Variants in CCSER1 observed in about 807,000 individuals in gnomAD.
CCSER1 encodes the protein coiled-coil serine rich protein 1.
A neutral mutation model predicts 82.0 loss-of-function variants in CCSER1; 41 were observed. The observed-to-expected ratio is 0.50, with a 90% CI of 0.39 to 0.65. The LOEUF is 0.65. Among genes scored for constraint, CCSER1 ranks in the 30% least tolerant of loss-of-function variants. The pLI, the probability that CCSER1 is intolerant of heterozygous loss-of-function variation, is 0.00. For synonymous variants in CCSER1, 414 were observed against 383.9 expected (o/e 1.08, Z -0.92); for missense variants, 1,119 against 1,064.2 (o/e 1.05, Z -0.72).
chr4:91,241,838 T>C (rs1173375037), intron 10 of CCSER1, among the ~76,000 whole-genome samples: 8 of 152,142 alleles, frequency 5.3e-5, no homozygotes, highest in Admixed American at 5.2e-4. Flanking sequence ...GTGTTAGATA[T>C]TGTGCTAAGG....
intron 10 of CCSER1, among the ~76,000 whole-genome samples, chr4:91,125,027 A>G (rs1025320263): frequency 1.3e-5 from 2 of 151,788 alleles, no homozygotes; most frequent in East Asian, 1.9e-4. Flanking sequence ...TGTAAGTCCT[A>G]TAAGGATTGA....
intron 10 of CCSER1, among the ~76,000 whole-genome samples, chr4:91,271,518 A>G (rs1742020692): frequency 6.6e-6 from 1 of 152,166 alleles, no homozygotes; most frequent in Admixed American, 6.5e-5. Flanking sequence ...ACATATGAAC[A>G]TACAATGTTT....
At chr4:91,106,056 A>G (rs1725581932) in intron 10 of CCSER1, among the ~76,000 whole-genome samples, 1 of 152,236 alleles carries the variant, frequency 6.6e-6, no homozygotes, top group African/African-American at 2.4e-5. Flanking sequence ...TTTGACCTTC[A>G]GAATGTTAGA....
chr4:91,550,065 T>G (rs1371173779), intron 10 of CCSER1, among the ~76,000 whole-genome samples: 1 of 152,078 alleles, frequency 6.6e-6, no homozygotes, highest in Non-Finnish European at 1.5e-5. Flanking sequence ...CTGGCTACAG[T>G]TGGGTATTTT....
intron 1 of CCSER1, 45 bp downstream of exon 1, chr4:90,127,876 G>A (rs1422957323): frequency 6.6e-6 from 1 of 152,110 alleles, no homozygotes; most frequent in South Asian, 2.1e-4. Context: ...GTCGCGCGTC[G>A]CGTCGCCGCT....
chr4:90,562,190 CAAA>C (rs35279708), intron 5 of CCSER1, among the ~76,000 whole-genome samples: 15 of 56,990 alleles, frequency 2.6e-4, no homozygotes, highest in Admixed American at 4.2e-4. Context: ...AACTCCATCT[CAAA>C]AAAAAAAAAA....
chr4:91,201,135 A>G (rs947859661), intron 10 of CCSER1, among the ~76,000 whole-genome samples: 1 of 151,990 alleles, frequency 6.6e-6, no homozygotes, highest in Non-Finnish European at 1.5e-5. Flanking sequence ...CTCATATATA[A>G]TGGTGCTCCC....
chr4:90,497,890 G>C (rs867847538), intron 5 of CCSER1, among the ~76,000 whole-genome samples: 3 of 151,884 alleles, frequency 2.0e-5, no homozygotes, highest in Middle Eastern at 3.4e-3. Context: ...TTCAGGGAAG[G>C]TTCTTCTCAT....
At chr4:90,769,182 G>A (rs1399072359) in intron 7 of CCSER1, among the ~76,000 whole-genome samples, 6 of 152,156 alleles carry the variant, frequency 3.9e-5, no homozygotes, top group Admixed American at 3.3e-4. Flanking sequence ...AGAAGTAGGA[G>A]CTCAAGATAG....
chr4:90,875,789 G>A (rs767518548), intron 8 of CCSER1, among the ~76,000 whole-genome samples: 1 of 152,182 alleles, frequency 6.6e-6, no homozygotes, highest in African/African-American at 2.4e-5. Flanking sequence ...GAAGAGCGAA[G>A]GTCAATGCAC....
At chr4:90,189,064 A>G (rs1735146829) in intron 1 of CCSER1, among the ~76,000 whole-genome samples, 1 of 151,966 alleles carries the variant, frequency 6.6e-6, no homozygotes, top group East Asian at 1.9e-4. Context: ...ACTGTGGCTG[A>G]CAGCAGGGTT....
intron 10 of CCSER1, among the ~76,000 whole-genome samples, chr4:91,501,624 ATAC>A (rs1276455302): frequency 6.6e-6 from 1 of 152,000 alleles, no homozygotes; most frequent in African/African-American, 2.4e-5. Context: ...GTAGTTTCAC[ATAC>A]TTATCTGCCC....
intron 8 of CCSER1, among the ~76,000 whole-genome samples, chr4:90,848,560 G>C (rs1181932354): frequency 6.6e-6 from 1 of 152,100 alleles, no homozygotes; most frequent in Non-Finnish European, 1.5e-5. Flanking sequence ...GAGTTTATTT[G>C]AAGTGATTTT....
intron 9 of CCSER1, among the ~76,000 whole-genome samples, chr4:90,975,227 T>A (rs1735498166): frequency 6.6e-6 from 1 of 151,276 alleles, no homozygotes; most frequent in South Asian, 2.1e-4. Context: ...GAGTAGGAAA[T>A]GAGTGCTGAT....
intron 1 of CCSER1, among the ~76,000 whole-genome samples, chr4:90,262,794 C>T (rs1724567183): frequency 6.6e-6 from 1 of 152,140 alleles, no homozygotes; most frequent in Non-Finnish European, 1.5e-5. Context: ...TGTGTTCTGG[C>T]TGTTCAGATC....
intron 10 of CCSER1, among the ~76,000 whole-genome samples, chr4:91,137,800 CAGAG>C (rs1343938006): frequency 6.6e-6 from 1 of 151,574 alleles, no homozygotes; most frequent in African/African-American, 2.4e-5. Flanking sequence ...AACAGACAAA[CAGAG>C]AGCCAAATCA....
chr4:91,190,391 A>G (rs183683067), intron 10 of CCSER1, among the ~76,000 whole-genome samples: 63 of 152,256 alleles, frequency 4.1e-4, no homozygotes, highest in African/African-American at 1.4e-3. Context: ...TCCTCTTCCC[A>G]TGTGGCAAAA....
rs189510735 is a variant in CCSER1, at chr4:90,285,287, C to A, written c.-41-22957C>A. Among the ~76,000 whole-genome samples the A allele has an allele frequency of 5.4e-3, 821 of 152,044 alleles. 6 individuals are homozygous for A. The highest frequency in any genetic ancestry group is 9.0e-3 in the Non-Finnish European group (614 of 67,924). ...CTTCTAATTCATGAACATGGAATAT[C>A]TTTCCATTTTGTGCATATCTTCTTC... On this transcript the variant is annotated intron_variant, in intron 1 of 10. Transcript: ENST00000509176.
intron 1 of CCSER1, among the ~76,000 whole-genome samples, chr4:90,227,138 G>A (rs1007674619): frequency 5.9e-5 from 9 of 152,066 alleles, no homozygotes; most frequent in Non-Finnish European, 5.9e-5. Context: ...CAGCAATCTC[G>A]TACTTCTAAC....
Sources: allele counts gnomAD v4.1 joint callset (sites outside exome capture counted in the v4.1 genomes callset), GRCh38; gene constraint gnomAD v4.1.1; transcripts MANE v1.5; gene names NCBI Gene and HGNC (gene_info 2026-07-23, HGNC 2026-07-21).